The following SNORC variants were observed in gnomAD, a reference collection of about 807,000 sequenced individuals.
The protein encoded by SNORC is protein SNORC.
Under a neutral mutation model 9.7 loss-of-function variants are expected in SNORC, and 11 were observed. The observed-to-expected ratio is 1.14, with a 90% CI of 0.72 to 1.88. The LOEUF (loss-of-function observed/expected upper bound fraction) is 1.88, where lower values mean the gene tolerates loss of function less well. Among genes scored for constraint, SNORC ranks in the 40% most tolerant of loss-of-function variants. SNORC has a pLI of 0.00. For missense variants in SNORC, 197 were observed against 173.1 expected, an observed-to-expected ratio of 1.14 and a Z score of -0.77; for synonymous variants, 108 against 88.7, an observed-to-expected ratio of 1.22 and a Z score of -1.22.
chr2:232,876,156 A>T lies in SNORC; in HGVS notation c.256+34A>T. 1 of 558,846 alleles carries T rather than the reference A, an allele frequency of 1.8e-6. No homozygotes were observed. Among genetic ancestry groups the T allele is most frequent in the Non-Finnish European group, 2.7e-6 (1 of 365,804 alleles). 34.6% of individuals were successfully genotyped at this position (558,846 alleles called of 1,614,324 possible). ...GGGGCGGGGGAGGGAGGGGAGAGGG[A>T]GAAATTAGGAGGGGCGGGGGGCGGG... On this transcript the variant is annotated intron_variant, in intron 2 of 2. Coordinates refer to ENST00000331342, the Ensembl canonical transcript of SNORC. The surrounding 1 kb of genome is among the most constrained non-coding windows in gnomAD (Gnocchi z 6.8).
intron 1 of SNORC, among the ~76,000 whole-genome samples, chr2:232,874,551 C>G (rs538358722): frequency 1.0e-3 from 156 of 152,310 alleles, no homozygotes; most frequent in Non-Finnish European, 2.0e-3. Flanking sequence ...AAGACTGACC[C>G]TGAGTCTGGG....
chr2:232,868,152 T>C (rs1690912232), upstream of SNORC, among the ~76,000 whole-genome samples: 1 of 44,648 alleles, frequency 2.2e-5, no homozygotes, highest in Admixed American at 2.5e-4. Context: ...CATTTCATCT[T>C]TTTTTTTTTT....
upstream of SNORC, among the ~76,000 whole-genome samples, chr2:232,869,411 C>T (rs1690941393): frequency 6.6e-6 from 1 of 152,116 alleles, no homozygotes; most frequent in African/African-American, 2.4e-5. Context: ...GGGGCGCTGA[C>T]AGAACTCTGA....
At chr2:232,867,932 A>G (rs922087888), upstream of SNORC, among the ~76,000 whole-genome samples, 4 of 152,148 alleles carry the variant, frequency 2.6e-5, no homozygotes, top group Non-Finnish European at 4.4e-5. Context: ...CATTGTCTGT[A>G]CTTGTGGCCA....
intron 1 of SNORC, among the ~76,000 whole-genome samples, chr2:232,872,086 G>A (rs779324267): frequency 3.2e-4 from 49 of 152,154 alleles, no homozygotes; most frequent in African/African-American, 1.1e-3. Flanking sequence ...TCCCAACCCC[G>A]GAGTCTCTGG....
intron 1 of SNORC, among the ~76,000 whole-genome samples, chr2:232,873,905 G>A (rs960369226): frequency 2.0e-5 from 3 of 152,224 alleles, no homozygotes; most frequent in Middle Eastern, 3.2e-3. Context: ...TGGGCCCCTC[G>A]GGAGGGAAGC....
intron 1 of SNORC, 132 bp downstream of exon 1, chr2:232,870,546 T>C: frequency 2.3e-6 from 2 of 883,562 alleles, no homozygotes; most frequent in Non-Finnish European, 1.7e-6. Context: ...TTTGGGGTGA[T>C]TCTGCGAAGA....
rs1691224484 is a variant in SNORC at position 232,876,080 on chromosome 2, C to T, written c.214C>T (p.Pro72Ser). The change falls in exon 2 of 3, where the codon CCC (proline) becomes TCC (serine). Residue 72 changes from proline (P) to serine (S), a missense_variant. Physicochemically the swap from Pro to Ser is moderately conservative, Grantham distance 74. Transcript: ENST00000331342. The surrounding 1 kb of genome is among the most constrained non-coding windows in gnomAD (Gnocchi z 6.8). The stretch of plus-strand genomic sequence containing the variant: ...CCCAGCCCCCACCGTCGCGCCAGGA[C>T]CCGAGGACAGCACCGCGCAGGAGCG... 1 of 1,531,998 alleles carries T rather than the reference C, an allele frequency of 6.5e-7. No homozygotes were observed. The highest frequency in any genetic ancestry group is 8.7e-7 in the Non-Finnish European group (1 of 1,144,752). 94.9% of individuals were successfully genotyped at this position (1,531,998 alleles called of 1,614,324 possible). A position where few individuals can be genotyped will look rare whatever the true frequency, so the allele number is the denominator to read the frequency against.
upstream of SNORC, among the ~76,000 whole-genome samples, chr2:232,868,377 G>A (rs1319719630): frequency 1.3e-5 from 2 of 152,092 alleles, no homozygotes; most frequent in Admixed American, 6.5e-5. Flanking sequence ...GATTACAGGC[G>A]GGAGCCACCG....
chr2:232,876,956 C>T (rs147495007), downstream of SNORC: 16 of 985,420 alleles, frequency 1.6e-5, no homozygotes, highest in African/African-American at 1.0e-4. The surrounding 1 kb of genome is among the most constrained non-coding windows in gnomAD (Gnocchi z 6.8). Context: ...CCGACAGAGA[C>T]CCCGGGGCCC....
At chr2:232,870,241 A>G, upstream of SNORC, 1 of 1,133,064 alleles carries the variant, frequency 8.8e-7, no homozygotes, top group Non-Finnish European at 1.3e-6. Context: ...CATTGATGAA[A>G]ACCCTTCCCA....
chr2:232,867,166 TTCTAAAAAA>T, upstream of SNORC, among the ~76,000 whole-genome samples: 1 of 152,360 alleles, frequency 6.6e-6, no homozygotes, highest in East Asian at 1.9e-4. Flanking sequence ...TTGGGTTTAT[TTCTAAAAAA>T]TAGCTTCACA....
downstream of SNORC, chr2:232,876,518 C>A: frequency 8.1e-7 from 1 of 1,234,558 alleles, no homozygotes; most frequent in Non-Finnish European, 1.0e-6. The surrounding 1 kb of genome is among the most constrained non-coding windows in gnomAD (Gnocchi z 6.8). Flanking sequence ...AGGGTGGGTG[C>A]CGTGCACGCG....
chr2:232,874,461 C>T (rs1442873356), intron 1 of SNORC, among the ~76,000 whole-genome samples: 2 of 152,246 alleles, frequency 1.3e-5, no homozygotes, highest in Non-Finnish European at 1.5e-5. Flanking sequence ...ATTGAGCTGT[C>T]TCCTTAGTCT....
chr2:232,872,169 C>T (rs1197826099), intron 1 of SNORC, among the ~76,000 whole-genome samples: 2 of 152,128 alleles, frequency 1.3e-5, no homozygotes, highest in South Asian at 2.1e-4. Flanking sequence ...GGTGTGTACA[C>T]GGCCCTGGGC....
At chr2:232,873,759 T>C (rs570105209) in intron 1 of SNORC, among the ~76,000 whole-genome samples, 1 of 152,262 alleles carries the variant, frequency 6.6e-6, no homozygotes, top group South Asian at 2.1e-4. Flanking sequence ...GGGCCTTCCA[T>C]GGGGACTGCA....
At chr2:232,870,584 T>C (rs1236040514) in intron 1 of SNORC, among the ~76,000 whole-genome samples, 170 bp downstream of exon 1, 2 of 152,214 alleles carry the variant, frequency 1.3e-5, no homozygotes, top group Non-Finnish European at 2.9e-5. Flanking sequence ...TGGCAGCAGC[T>C]GTGTGGGATG....
upstream of SNORC, chr2:232,870,173 TG>T (rs1690966867): frequency 2.0e-6 from 1 of 493,544 alleles, no homozygotes; most frequent in Admixed American, 3.2e-5. Context: ...TGTGTGTTGG[TG>T]GGGGGAGCGG....
At chr2:232,874,417 C>G (rs563766620) in intron 1 of SNORC, among the ~76,000 whole-genome samples, 4 of 152,352 alleles carry the variant, frequency 2.6e-5, no homozygotes, top group African/African-American at 9.6e-5. Context: ...ACCTGAGTCT[C>G]CGATCACAGG....
Sources: allele counts gnomAD v4.1 joint callset (sites outside exome capture counted in the v4.1 genomes callset), GRCh38; gene constraint gnomAD v4.1.1; non-coding constraint Gnocchi (gnomAD v3.1); transcripts MANE v1.5; gene names NCBI Gene and HGNC (gene_info 2026-07-23, HGNC 2026-07-21).